Variants in UMODL1 observed in about 807,000 individuals in gnomAD.
The protein encoded by UMODL1 is uromodulin like 1.
UMODL1 carries 128 observed loss-of-function variants against 136.3 expected under a neutral mutation model. The observed-to-expected ratio is 0.94, with a 90% CI of 0.81 to 1.09. UMODL1 has a LOEUF of 1.09. Ranked by LOEUF, UMODL1 falls within the 50% of genes least tolerant of loss-of-function variation. UMODL1 has a pLI of 0.00. For missense variants in UMODL1, 1,766 were observed against 1,725.6 expected (o/e 1.02, Z -0.41); for synonymous variants, 721 against 720.0 (o/e 1.00, Z -0.02).
intron 20 of UMODL1, 44 bp from the exon 21 acceptor site, chr21:42,129,669 G>T: frequency 6.6e-7 from 1 of 1,503,928 alleles, no homozygotes; most frequent in East Asian, 2.3e-5. Flanking sequence ...CATAAATGTT[G>T]TTCAATTAAT....
At chr21:42,106,552 C>G (rs891919528) in intron 9 of UMODL1, among the ~76,000 whole-genome samples, 3 of 152,094 alleles carry the variant, frequency 2.0e-5, no homozygotes, top group East Asian at 3.9e-4. Flanking sequence ...ACCCTTAGGC[C>G]GTCCATCCCG....
At chr21:42,126,777 A>G (rs1601269560) in intron 18 of UMODL1, among the ~76,000 whole-genome samples, 1 of 151,768 alleles carries the variant, frequency 6.6e-6, no homozygotes. Context: ...TCTATAATGG[A>G]CCCCCCACCT....
At chr21:42,114,441 C>A (rs1206835522) in intron 13 of UMODL1, among the ~76,000 whole-genome samples, 1 of 152,222 alleles carries the variant, frequency 6.6e-6, no homozygotes, top group Non-Finnish European at 1.5e-5. Context: ...TAGTCAAGAG[C>A]GTGTCTGATG....
At chr21:42,077,076 T>G (rs894057310) in intron 2 of UMODL1, among the ~76,000 whole-genome samples, 2 of 147,266 alleles carry the variant, frequency 1.4e-5, no homozygotes, top group African/African-American at 5.0e-5. Flanking sequence ...TGGTGGCTGC[T>G]AATTTTGAGT....
chr21:42,121,253 A>G (rs760285626), intron 16 of UMODL1, 29 bp downstream of exon 16: 2 of 1,594,222 alleles, frequency 1.3e-6, no homozygotes, highest in Non-Finnish European at 1.7e-6. Context: ...CTTCTTCTGG[A>G]ATACTGTATC....
At chr21:42,073,647 A>G (rs220282) in intron 1 of UMODL1, among the ~76,000 whole-genome samples, 111,645 of 152,070 alleles carry the variant, frequency 0.73, 41,168 homozygotes, top group Admixed American at 0.82. Context: ...GCTCTGCCCT[A>G]TTTCTTCCTG....
In UMODL1 at chr21:42,109,832, C is replaced by T. The variant is rs868495713; in HGVS notation, c.1657+133C>T. 200 of 962,740 alleles carry T rather than the reference C, an allele frequency of 2.1e-4. No homozygotes were observed. In the African/African-American group the frequency reaches 2.8e-3, roughly 14 times the overall value. 59.6% of individuals were successfully genotyped at this position (962,740 alleles called of 1,614,324 possible). A position where few individuals can be genotyped will look rare whatever the true frequency, so the allele number is the denominator to read the frequency against. ...TGTTAGGGGCCTACAGAAATGTTTT[C>T]ATTTCAATTTATTTTAAAATCAGAA... On this transcript the variant is annotated intron_variant, in intron 10 of 22. Coordinates refer to ENST00000408910, the MANE Select transcript of UMODL1 (RefSeq NM_001004416.3).
intron 1 of UMODL1, among the ~76,000 whole-genome samples, chr21:42,074,992 C>G (rs897903094): frequency 2.6e-5 from 4 of 152,054 alleles, no homozygotes; most frequent in Admixed American, 2.0e-4. Context: ...ACCTCCGCCT[C>G]CTGGGTTCAC....
intron 21 of UMODL1, among the ~76,000 whole-genome samples, chr21:42,130,374 C>T (rs2067118893): frequency 6.6e-6 from 1 of 152,070 alleles, no homozygotes; most frequent in Non-Finnish European, 1.5e-5. Context: ...TTCAAAACCC[C>T]ACATCAACTT....
chr21:42,076,146 T>C lies in UMODL1; in HGVS notation c.218T>C (p.Met73Thr), dbSNP rs2066288267. 3 of 1,614,210 alleles carry C rather than the reference T, an allele frequency of 1.9e-6. No homozygotes were observed. The highest frequency in any genetic ancestry group is 2.5e-6 in the Non-Finnish European group (3 of 1,180,028). ...GWIPWRRCPKMVYRTQYLVVE... is the reference protein window; with the variant it reads ...GWIPWRRCPKTVYRTQYLVVE... ...ATCCCCTGGAGGCGGTGCCCTAAGA[T>C]GGTTTACCGGACACAGTACCTGGTA... Residue 73 changes from methionine (M) to threonine (T), a missense_variant, in exon 2 of 23, where the codon ATG (methionine) becomes ACG (threonine). Coordinates refer to ENST00000408910, the MANE Select transcript of UMODL1 (RefSeq NM_001004416.3).
At chr21:42,126,251 C>A in intron 17 of UMODL1, 94 bp from the exon 18 acceptor site, 2 of 1,538,922 alleles carry the variant, frequency 1.3e-6, no homozygotes, top group Non-Finnish European at 1.8e-6. Flanking sequence ...AGAGAAGAAC[C>A]CCCATCCCCC....
chr21:42,085,545 T>A lies in UMODL1; in HGVS notation c.603+133T>A, dbSNP rs2066416922. The A allele has an allele frequency of 1.5e-6, 2 of 1,372,226 alleles. No individual in the cohort carries two copies. The highest frequency in any genetic ancestry group is 1.0e-6 in the Non-Finnish European group (1 of 999,734). The allele number at this position is 1,372,226 out of a possible 1,614,324, so 85.0% of individuals were successfully genotyped here. Reference sequence around the variant, plus strand: ...CCCCAAATGGCCCCAAATGACTGACTCTGAACGAAATTCTAGTTCTTAAAA... The same window carrying A: ...CCCCAAATGGCCCCAAATGACTGACACTGAACGAAATTCTAGTTCTTAAAA... On this transcript the variant is annotated intron_variant, in intron 4 of 22. Transcript: ENST00000408910. This position sits in a 1 kb window ranked among gnomAD's most constrained non-coding sequence, Gnocchi z 4.5.
At chr21:42,088,564 G>A in intron 5 of UMODL1, 84 bp downstream of exon 5, 1 of 1,360,684 alleles carries the variant, frequency 7.3e-7, no homozygotes, top group Non-Finnish European at 9.9e-7. Flanking sequence ...GCTAAAGCCA[G>A]ACCAGTCCTT....
Position 42,142,091 on chromosome 21 carries a change from C to T in UMODL1, c.*22-5C>T, listed in dbSNP as rs1019786100. On this transcript the variant is annotated splice_polypyrimidine_tract_variant and splice_region_variant and intron_variant, in intron 22 of 22. Transcript: ENST00000408910. ...CTGACCCAGGTGACCTCTTCCTCCACACAGGTCGCCGTGAGTCAAGCTGCC... is the reference window on the plus strand; with the variant it reads ...CTGACCCAGGTGACCTCTTCCTCCATACAGGTCGCCGTGAGTCAAGCTGCC... The T allele has an allele frequency of 9.8e-5, 15 of 152,376 alleles. No homozygotes were observed. Among genetic ancestry groups the T allele is most frequent in the African/African-American group, 3.6e-4 (15 of 41,578 alleles). 9.4% of individuals were successfully genotyped at this position (152,376 alleles called of 1,614,324 possible). A position where few individuals can be genotyped will look rare whatever the true frequency, so the allele number is the denominator to read the frequency against.
chr21:42,089,857 G>A (rs1234416814), intron 5 of UMODL1, among the ~76,000 whole-genome samples: 1 of 152,238 alleles, frequency 6.6e-6, no homozygotes, highest in African/African-American at 2.4e-5. Context: ...GTCTGAGGCT[G>A]GCTGCTGTGA....
intron 15 of UMODL1, among the ~76,000 whole-genome samples, chr21:42,119,752 T>TA (rs1326857254): frequency 6.6e-6 from 1 of 152,206 alleles, no homozygotes; most frequent in Non-Finnish European, 1.5e-5. Flanking sequence ...TACTTGAACA[T>TA]AAATGATGAA....
rs1415761756 is a variant in UMODL1 at position 42,123,598 on chromosome 21, T to C, written c.3147+448T>C. On this transcript the variant is annotated intron_variant, in intron 17 of 22. Transcript: ENST00000408910. This position sits in a 1 kb window ranked among gnomAD's most constrained non-coding sequence, Gnocchi z 4.4. ...ATGTGTGAATCTGTGTGTGCGAATGTGTATGTGTATATGCATGGCTGTGCT... is the reference window on the plus strand; with the variant it reads ...ATGTGTGAATCTGTGTGTGCGAATGCGTATGTGTATATGCATGGCTGTGCT... 6.6e-6 allele frequency among the ~76,000 whole-genome samples: 1 copy of C among 151,954 alleles called. No individual in the cohort carries two copies. Among genetic ancestry groups the C allele is most frequent in the Non-Finnish European group, 1.5e-5 (1 of 67,966 alleles).
chr21:42,070,798 G>C (rs2066222993), upstream of UMODL1, among the ~76,000 whole-genome samples: 1 of 152,208 alleles, frequency 6.6e-6, no homozygotes, highest in Non-Finnish European at 1.5e-5. Context: ...GAGAGGACTG[G>C]GTCAAAGCAC....
chr21:42,085,291 C>T lies in UMODL1; in HGVS notation c.482C>T (p.Ala161Val). 10 of 1,613,808 alleles carry T rather than the reference C, an allele frequency of 6.2e-6. No homozygotes were observed. The highest frequency in any genetic ancestry group is 8.5e-6 in the Non-Finnish European group (10 of 1,179,826). ...ATCATCAGTGTTTTCCCTTGTGTAG[C>T]TCCAGAGAGGGACCCTGTGGGCTCC... Reference protein sequence around the residue: ...GRYCMAPAPQAPERDPVGSWY... With the variant: ...GRYCMAPAPQVPERDPVGSWY... Residue 161 changes from alanine (A) to valine (V), a missense_variant and splice_region_variant, in exon 4 of 23, where the codon GCT (alanine) becomes GTT (valine). Coordinates refer to ENST00000408910, the MANE Select transcript of UMODL1 (RefSeq NM_001004416.3). The surrounding 1 kb of genome is among the most constrained non-coding windows in gnomAD (Gnocchi z 4.5).
Sources: gnomAD v4.1 joint callset for allele counts (sites outside exome capture counted in the v4.1 genomes callset) on GRCh38, gnomAD v4.1.1 for gene constraint, Gnocchi (gnomAD v3.1) non-coding constraint, MANE v1.5 for transcripts, NCBI Gene and HGNC (gene_info 2026-07-23, HGNC 2026-07-21) for gene names.